Variants in BNIP2 observed in about 807,000 individuals in gnomAD.
BNIP2 encodes the protein BCL2/adenovirus E1B 19 kDa protein-interacting protein 2.
A neutral mutation model predicts 43.4 loss-of-function variants in BNIP2; 36 were observed. The ratio of observed to expected loss-of-function variants is 0.83; its 90% confidence interval spans 0.64 to 1.10. The LOEUF is 1.10. Among genes scored for constraint, BNIP2 ranks in the 50% least tolerant of loss-of-function variants. The pLI, the probability that BNIP2 is intolerant of heterozygous loss-of-function variation, is 0.00. For synonymous variants in BNIP2, 146 were observed against 121.0 expected, an observed-to-expected ratio of 1.21 and a Z score of -1.35; for missense variants, 417 against 374.1, an observed-to-expected ratio of 1.11 and a Z score of -0.95.
intron 1 of BNIP2, chr15:59,688,649 G>C: frequency 3.4e-6 from 5 of 1,476,858 alleles, no homozygotes; most frequent in Non-Finnish European, 4.6e-6. Context: ...TCTGTATTTG[G>C]TTTAGCGTAC....
In BNIP2 at chr15:59,671,362, C is replaced by T. The variant is rs6151546; in HGVS notation, c.576-48G>A. ...AAGCCTTAAAAATCACTGTGCATAA[C>T]TGAACTAGGTTCTCTAAATTGTACC... On this transcript the variant is annotated intron_variant, in intron 6 of 9. Transcript: ENST00000607373. 1.2e-3 allele frequency: 1,854 copies of T among 1,503,004 alleles called. 19 individuals carry two copies. The African/African-American group carries it at 0.024, about 19-fold the overall frequency. 93.1% of individuals were successfully genotyped at this position (1,503,004 alleles called of 1,614,324 possible).
chr15:59,666,013 C>T (rs749239172), intron 9 of BNIP2, among the ~76,000 whole-genome samples: 19 of 152,056 alleles, frequency 1.2e-4, no homozygotes, highest in Non-Finnish European at 2.5e-4. Context: ...ATATCAAATC[C>T]TCTTAACATC....
intron 5 of BNIP2, among the ~76,000 whole-genome samples, chr15:59,674,099 A>G (rs567559997): frequency 6.7e-6 from 1 of 149,356 alleles, no homozygotes; most frequent in Admixed American, 6.6e-5. Context: ...TCAAAAAAAA[A>G]ACAAAAACAA....
intron 1 of BNIP2, among the ~76,000 whole-genome samples, chr15:59,685,092 T>C (rs767235916): frequency 5.9e-5 from 9 of 152,260 alleles, no homozygotes; most frequent in Admixed American, 1.3e-4. Flanking sequence ...TATTAATTTC[T>C]ATTTGTAAAA....
intron 1 of BNIP2, among the ~76,000 whole-genome samples, chr15:59,687,989 T>G (rs1294302714): frequency 1.3e-5 from 2 of 152,146 alleles, no homozygotes; most frequent in African/African-American, 4.8e-5. Context: ...AATGCCTGAT[T>G]TGGCCGCACT....
Position 59,680,305 on chromosome 15 carries a change from A to C in BNIP2, c.54T>G (p.Pro18=), listed in dbSNP as rs1306568845. 1 of 1,595,438 alleles carries C rather than the reference A, an allele frequency of 6.3e-7. No homozygotes were observed. Among genetic ancestry groups the C allele is most frequent in the African/African-American group, 1.3e-5 (1 of 74,584 alleles). The change falls in exon 3 of 10, where the codon CCT becomes CCG. Residue 18 remains proline (P), a synonymous_variant. Transcript: ENST00000607373. ...EEWQDEDFPI[P]LPEDDSIEAD... is the part of the protein sequence containing the mutation. ...CTTCAATACTATCATCTTCTGGTAA[A>C]GGTCTAGAAGACACAGGCATACTTT... is the stretch of plus-strand genomic sequence containing the variant.
At chr15:59,673,024 G>C (rs746455059) in intron 5 of BNIP2, among the ~76,000 whole-genome samples, 1 of 151,836 alleles carries the variant, frequency 6.6e-6, no homozygotes, top group Non-Finnish European at 1.5e-5. Context: ...TTAGCAGGTA[G>C]ACAAATATAG....
intron 5 of BNIP2, among the ~76,000 whole-genome samples, chr15:59,675,668 A>C (rs1310070813): frequency 1.3e-5 from 2 of 152,210 alleles, no homozygotes; most frequent in Admixed American, 1.3e-4. Context: ...CTTCTACAAG[A>C]ATGTTCAAAG....
At chr15:59,680,031 C>A (rs1405853588) in intron 3 of BNIP2, among the ~76,000 whole-genome samples, 1 of 152,138 alleles carries the variant, frequency 6.6e-6, no homozygotes, top group Non-Finnish European at 1.5e-5. Context: ...TCCTCCACCC[C>A]TTTACTGTAA....
chr15:59,675,087 A>G (rs537131186), intron 5 of BNIP2, among the ~76,000 whole-genome samples: 23 of 151,642 alleles, frequency 1.5e-4, no homozygotes, highest in Non-Finnish European at 3.1e-4. Context: ...CGTCTCTACT[A>G]AAAATACAAA....
At position 59,683,762 on chromosome 15, in the gene BNIP2, C is replaced by T. The variant is rs140581720; in HGVS notation, c.-57-1248G>A. On this transcript the variant is annotated intron_variant, in intron 1 of 9. Coordinates refer to ENST00000607373, the MANE Select transcript of BNIP2 (RefSeq NM_004330.4). Reference sequence around the variant, plus strand: ...TGAACCTGGGAGGTGGAGGTTGCAGCGAGCCGAGGTCACACCATTGCACTC... The same window carrying T: ...TGAACCTGGGAGGTGGAGGTTGCAGTGAGCCGAGGTCACACCATTGCACTC... Among the ~76,000 whole-genome samples, 110 of 152,146 alleles carry T rather than the reference C, an allele frequency of 7.2e-4. 1 individual carries two copies. The highest frequency in any genetic ancestry group is 2.5e-3 in the African/African-American group (102 of 41,534).
intron 1 of BNIP2, among the ~76,000 whole-genome samples, chr15:59,685,774 C>T (rs1280749594): frequency 6.6e-6 from 1 of 152,106 alleles, no homozygotes; most frequent in African/African-American, 2.4e-5. Context: ...TAGATCAAAA[C>T]AATTTAAACA....
intron 2 of BNIP2, 78 bp downstream of exon 2, chr15:59,682,326 CAAAA>C: frequency 6.7e-6 from 7 of 1,046,188 alleles, no homozygotes; most frequent in Middle Eastern, 2.5e-4. Context: ...GACTCCGTCT[CAAAA>C]AAAAAAAAAG....
At chr15:59,676,356 TA>T (rs1404486889) in intron 5 of BNIP2, among the ~76,000 whole-genome samples, 9 of 151,944 alleles carry the variant, frequency 5.9e-5, no homozygotes, top group Non-Finnish European at 1.0e-4. Flanking sequence ...TTTATTTTTT[TA>T]TTTTTTTTAT....
At chr15:59,678,528 G>T in intron 4 of BNIP2, 1 of 1,074,212 alleles carries the variant, frequency 9.3e-7, no homozygotes, top group Non-Finnish European at 1.1e-6. Context: ...TACCAGATAG[G>T]AAGTGGTTAA....
intron 1 of BNIP2, 87 bp downstream of exon 1, chr15:59,689,048 G>T: frequency 2.1e-6 from 3 of 1,460,906 alleles, no homozygotes; most frequent in Non-Finnish European, 1.8e-6. Flanking sequence ...GACGTCGTGG[G>T]CACGCGCCCG....
intron 1 of BNIP2, among the ~76,000 whole-genome samples, chr15:59,685,557 C>G (rs1476125080): frequency 1.3e-5 from 2 of 152,184 alleles, no homozygotes; most frequent in African/African-American, 4.8e-5. Context: ...GAAACACAGG[C>G]AGCCCAAGTC....
rs1427350385 is a variant in BNIP2, at chr15:59,663,331, C to G, written c.*738G>C. 1.3e-5 allele frequency: 2 copies of G among 152,262 alleles called. No homozygotes were observed. The highest frequency in any genetic ancestry group is 2.4e-5 in the African/African-American group (1 of 41,442). The allele number at this position is 152,262 out of a possible 1,614,324, so 9.4% of individuals were successfully genotyped here. On this transcript the variant is annotated 3_prime_UTR_variant, in exon 10 of 10. Coordinates refer to ENST00000607373, the MANE Select transcript of BNIP2 (RefSeq NM_004330.4). Reference sequence around the variant, plus strand: ...TCCCATATATACATATATACAAACCCTAATTCCTACCCTCTTAAATCCTCT... The same window carrying G: ...TCCCATATATACATATATACAAACCGTAATTCCTACCCTCTTAAATCCTCT...
At chr15:59,668,757 TAC>T (rs71425879) in intron 9 of BNIP2, 133 bp downstream of exon 9, 6,207 of 561,896 alleles carry the variant, frequency 0.011, 1 homozygote, top group South Asian at 0.013. Flanking sequence ...TTTTCTTTGT[TAC>T]ACACACACAC....
Sources: allele counts gnomAD v4.1 joint callset (sites outside exome capture counted in the v4.1 genomes callset), GRCh38; gene constraint gnomAD v4.1.1; transcripts MANE v1.5; gene names NCBI Gene and HGNC (gene_info 2026-07-23, HGNC 2026-07-21).